The following ADAMTS16 variants were observed in gnomAD, a reference collection of about 807,000 sequenced individuals.
The protein encoded by ADAMTS16 is ADAM metallopeptidase with thrombospondin type 1 motif 16, also known as A disintegrin and metalloproteinase with thrombospondin motifs 16.
ADAMTS16 carries 94 observed loss-of-function variants against 145.8 expected under a neutral mutation model. The ratio of observed to expected loss-of-function variants is 0.64; its 90% confidence interval spans 0.55 to 0.77. The LOEUF is 0.77. ADAMTS16 is among the 30% of genes least tolerant of loss of function. ADAMTS16 has a pLI of 0.00. For synonymous variants in ADAMTS16, 659 were observed against 604.3 expected (o/e 1.09, Z -1.33); for missense variants, 1,585 against 1,591.5 (o/e 1.00, Z 0.07).
intron 3 of ADAMTS16, among the ~76,000 whole-genome samples, chr5:5,159,831 C>A (rs950855633): frequency 8.5e-5 from 13 of 152,190 alleles, no homozygotes; most frequent in Non-Finnish European, 1.2e-4. Context: ...ATTCCCAACA[C>A]CGGGAGATCA....
intron 21 of ADAMTS16, among the ~76,000 whole-genome samples, chr5:5,313,722 AAGACTGCATG>A (rs2126535098): frequency 6.6e-6 from 1 of 152,384 alleles, no homozygotes; most frequent in South Asian, 2.1e-4. Context: ...CGTGGCAATT[AAGACTGCATG>A]AGACTGCATT....
At chr5:5,186,515 T>G (rs1735504174) in intron 5 of ADAMTS16, among the ~76,000 whole-genome samples, 1 of 152,160 alleles carries the variant, frequency 6.6e-6, no homozygotes, top group Non-Finnish European at 1.5e-5. Flanking sequence ...TGTGAGATGT[T>G]TTGGGCTTAC....
At chr5:5,244,355 C>T (rs188445579) in intron 17 of ADAMTS16, among the ~76,000 whole-genome samples, 28 of 152,318 alleles carry the variant, frequency 1.8e-4, no homozygotes, top group Admixed American at 1.2e-3. Flanking sequence ...GCAAGAAGCA[C>T]GTTATTGCCA....
At chr5:5,168,413 G>A (rs1257017958) in intron 3 of ADAMTS16, among the ~76,000 whole-genome samples, 1 of 140,666 alleles carries the variant, frequency 7.1e-6, no homozygotes, top group Non-Finnish European at 1.5e-5. Flanking sequence ...TTTGCGGGTG[G>A]TCATTCTTTG....
intron 18 of ADAMTS16, among the ~76,000 whole-genome samples, chr5:5,277,046 T>C (rs879928021): frequency 2.0e-5 from 3 of 152,174 alleles, no homozygotes; most frequent in African/African-American, 7.2e-5. Context: ...ATTCTGAAAA[T>C]CGCAGATGCT....
chr5:5,182,131 G>A lies in ADAMTS16; in HGVS notation c.589G>A (p.Gly197Ser). The change falls in exon 4 of 23, where the codon GGC becomes AGC. Residue 197 changes from glycine (G) to serine (S), a missense_variant. Transcript: ENST00000274181. ...ATGGAAACTCGGCAGAGCTGCCCAAGGCAGCTCGCCATCCCACGTACTGTA... is the reference window on the plus strand; with the variant it reads ...ATGGAAACTCGGCAGAGCTGCCCAAAGCAGCTCGCCATCCCACGTACTGTA... ...LSWKLGRAAQ[G>S]SSPSHVLYKR... 3.1e-6 allele frequency: 5 copies of A among 1,614,086 alleles called. No homozygotes were observed. The highest frequency in any genetic ancestry group is 1.3e-5 in the African/African-American group (1 of 75,062).
intron 2 of ADAMTS16, 152 bp downstream of exon 2, chr5:5,140,918 G>A (rs1242670658): frequency 2.6e-5 from 19 of 739,002 alleles, no homozygotes; most frequent in African/African-American, 2.5e-4. Flanking sequence ...TTAACTGTAT[G>A]AGCGAGCCCC....
intron 8 of ADAMTS16, among the ~76,000 whole-genome samples, chr5:5,194,408 C>CA (rs1735744814): frequency 6.6e-6 from 1 of 152,232 alleles, no homozygotes; most frequent in African/African-American, 2.4e-5. Context: ...AGCAATTTCA[C>CA]ATACAGCTCA....
intron 10 of ADAMTS16, among the ~76,000 whole-genome samples, chr5:5,222,490 G>A (rs971150931): frequency 7.9e-5 from 12 of 152,034 alleles, no homozygotes; most frequent in Non-Finnish European, 1.2e-4. Context: ...ACTTTTTATA[G>A]TTTTCTGCAA....
chr5:5,182,630 T>C (rs778130886), intron 4 of ADAMTS16, among the ~76,000 whole-genome samples: 4 of 152,222 alleles, frequency 2.6e-5, no homozygotes, highest in Non-Finnish European at 5.9e-5. Flanking sequence ...TCAGTCATTC[T>C]ATATTTTTGA....
At chr5:5,171,007 G>A (rs1400810102) in intron 3 of ADAMTS16, among the ~76,000 whole-genome samples, 1 of 151,934 alleles carries the variant, frequency 6.6e-6, no homozygotes, top group Middle Eastern at 3.2e-3. Flanking sequence ...TTAATTCCTA[G>A]GTATTGTATT....
intron 3 of ADAMTS16, among the ~76,000 whole-genome samples, chr5:5,162,758 A>AGG (rs1734775220): frequency 7.8e-6 from 1 of 128,992 alleles, no homozygotes. Context: ...AAGAGAAGAG[A>AGG]AGAGAGGAGA....
intron 10 of ADAMTS16, among the ~76,000 whole-genome samples, chr5:5,219,684 A>G (rs1024234716): frequency 6.6e-6 from 1 of 152,162 alleles, no homozygotes; most frequent in African/African-American, 2.4e-5. Flanking sequence ...TCCAGCCTTG[A>G]GGACTGGAGT....
chr5:5,214,780 G>A lies in ADAMTS16; in HGVS notation c.1605+5534G>A, dbSNP rs765424040. On this transcript the variant is annotated intron_variant, in intron 10 of 22. Transcript: ENST00000274181. The stretch of plus-strand genomic sequence containing the variant: ...GACACCAAATCTCAAAATTACATAT[G>A]GTGTGGCAATTAGAGATTTTTAAAA... 1.6e-3 allele frequency among the ~76,000 whole-genome samples: 241 copies of A among 152,118 alleles called. 2 individuals are homozygous for A. The highest frequency in any genetic ancestry group is 2.6e-3 in the Non-Finnish European group (178 of 68,036).
At chr5:5,314,185 T>C (rs183870858) in intron 21 of ADAMTS16, among the ~76,000 whole-genome samples, 31 of 152,220 alleles carry the variant, frequency 2.0e-4, no homozygotes, top group East Asian at 1.9e-3. Flanking sequence ...AGCTCTAAGC[T>C]GGGAGAGAGA....
chr5:5,191,677 C>T lies in ADAMTS16; in HGVS notation c.1208-8C>T, dbSNP rs762475166. On this transcript the variant is annotated splice_polypyrimidine_tract_variant and splice_region_variant and intron_variant, in intron 7 of 22. Transcript: ENST00000274181. ...GCTATGTGTTCTTTTGATCTTTGTC[C>T]TTCACAGGATTTGCACCCATAAGTG... The T allele has an allele frequency of 6.2e-7, 1 of 1,605,808 alleles. No homozygotes were observed. The highest frequency in any genetic ancestry group is 8.5e-7 in the Non-Finnish European group (1 of 1,173,478).
At chr5:5,288,035 C>A (rs1283412743) in intron 18 of ADAMTS16, among the ~76,000 whole-genome samples, 4 of 152,058 alleles carry the variant, frequency 2.6e-5, no homozygotes, top group African/African-American at 9.7e-5. Flanking sequence ...TCCAAGAAAC[C>A]CTGACGCGAA....
chr5:5,182,119 A>G lies in ADAMTS16; in HGVS notation c.577A>G (p.Arg193Gly), dbSNP rs751218188. ...LPSHLSWKLG[R>G]AAQGSSPSHV... ...TTCACACCTCTCATGGAAACTCGGC[A>G]GAGCTGCCCAAGGCAGCTCGCCATC... The change falls in exon 4 of 23, where the codon AGA (arginine) becomes GGA (glycine). Residue 193 changes from arginine to glycine, a missense_variant. Arg to Gly is a moderately radical substitution (Grantham distance 125). Coordinates refer to ENST00000274181, the MANE Select transcript of ADAMTS16 (RefSeq NM_139056.4). 1 of 1,614,058 alleles carries G rather than the reference A, an allele frequency of 6.2e-7. No individual in the cohort carries two copies. Among genetic ancestry groups the G allele is most frequent in the Non-Finnish European group, 8.5e-7 (1 of 1,179,990 alleles).
At chr5:5,172,929 ATTG>A (rs1044608809) in intron 3 of ADAMTS16, among the ~76,000 whole-genome samples, 7 of 152,146 alleles carry the variant, frequency 4.6e-5, no homozygotes, top group African/African-American at 1.2e-4. Flanking sequence ...TATATTTACA[ATTG>A]TTGTATCCTC....
Sources: gnomAD v4.1 joint callset for allele counts (sites outside exome capture counted in the v4.1 genomes callset) on GRCh38, gnomAD v4.1.1 for gene constraint, MANE v1.5 for transcripts, NCBI Gene and HGNC (gene_info 2026-07-23, HGNC 2026-07-21) for gene names.